Variants in ROS1 observed in about 807,000 individuals in gnomAD.
The protein encoded by ROS1 is ROS proto-oncogene 1, receptor tyrosine kinase, also known as proto-oncogene tyrosine-protein kinase ROS.
In ROS1, 263 loss-of-function variants were observed where a neutral mutation model predicts 273.5. The ratio of observed to expected loss-of-function variants is 0.96; its 90% CI spans 0.87 to 1.06. The LOEUF is 1.06. Among genes scored for constraint, ROS1 ranks in the 50% least tolerant of loss-of-function variants. The pLI is 0.00. For synonymous variants in ROS1, 1,008 were observed against 954.1 expected (o/e 1.06, Z -1.04); for missense variants, 2,833 against 2,751.1 (o/e 1.03, Z -0.67).
chr6:117,387,523 T>A (rs1772681776), intron 14 of ROS1, among the ~76,000 whole-genome samples: 1 of 152,340 alleles, frequency 6.6e-6, no homozygotes, highest in East Asian at 1.9e-4. Context: ...TCAATTATAG[T>A]GTTTCCTTAA....
Position 117,414,523 on chromosome 6 carries a change from C to T in ROS1, c.251G>A (p.Cys84Tyr). 1.4e-6 allele frequency: 1 copy of T among 733,428 alleles called. No homozygotes were observed. The highest frequency in any genetic ancestry group is 2.5e-5 in the East Asian group (1 of 39,426). The allele number at this position is 733,428 out of a possible 1,614,324, so 45.4% of individuals were successfully genotyped here. The stretch of plus-strand genomic sequence containing the variant: ...TTTTTGTGATTGCCAACTCACCTCA[C>T]AAACGGTGGCATAAGTATCATTCTG... ...LKCNDTYATV[C>Y]ERESCEVGCS... The change falls in exon 4 of 44, where the codon TGT becomes TAT. Residue 84 changes from cysteine (C) to tyrosine (Y), a missense_variant. Coordinates refer to ENST00000368507, the MANE Select transcript of ROS1 (RefSeq NM_001378902.1).
At chr6:117,374,464 C>A (rs965308902) in intron 18 of ROS1, among the ~76,000 whole-genome samples, 1 of 152,152 alleles carries the variant, frequency 6.6e-6, no homozygotes, top group Non-Finnish European at 1.5e-5. Flanking sequence ...TTGCCTTATA[C>A]AAAAATCAAC....
chr6:117,288,380 G>T lies in ROS1; in HGVS notation c.*112C>A, dbSNP rs1484210590. The T allele has an allele frequency of 2.0e-6, 2 of 1,014,738 alleles. No homozygotes were observed. The highest frequency in any genetic ancestry group is 2.9e-6 in the Non-Finnish European group (2 of 692,348). The allele number at this position is 1,014,738 out of a possible 1,614,324, so 62.9% of individuals were successfully genotyped here. On this transcript the variant is annotated 3_prime_UTR_variant, in exon 44 of 44. Transcript: ENST00000368507. The stretch of plus-strand genomic sequence containing the variant: ...GATTAGAAATCAGGAACGTTGCATT[G>T]TTTATTTGGAGTTATAGACCACCAT...
chr6:117,403,068 T>C, intron 7 of ROS1, 71 bp downstream of exon 7: 7 of 1,543,720 alleles, frequency 4.5e-6, no homozygotes, highest in Non-Finnish European at 6.3e-6. Context: ...ATTTCATTGT[T>C]TAAAATAAAA....
chr6:117,403,155 C>CCTGTAACTGGGACTTGGAGGGGAGTAGAG lies in ROS1; in HGVS notation c.559_587dup (p.Arg196SerfsTer23). On this transcript the variant is annotated frameshift_variant, in exon 7 of 44. Transcript: ENST00000368507. LOFTEE classifies it high-confidence loss of function. ...ACACCATACCTCCATGAGGATGAGT[C>CCTGTAACTGGGACTTGGAGGGGAGTAGAG]CTGTAACTGGGACTTGGAGGGGAGT... The CCTGTAACTGGGACTTGGAGGGGAGTAGAG allele has an allele frequency of 3.7e-6, 6 of 1,613,836 alleles. No individual in the cohort carries two copies. The highest frequency in any genetic ancestry group is 5.1e-6 in the Non-Finnish European group (6 of 1,179,938).
At chr6:117,381,002 A>C (rs1286083476) in intron 17 of ROS1, among the ~76,000 whole-genome samples, 1 of 152,078 alleles carries the variant, frequency 6.6e-6, no homozygotes, top group Non-Finnish European at 1.5e-5. Flanking sequence ...AAATCTGTAC[A>C]TGACATCAAT....
At chr6:117,290,899 A>G (rs1431960310) in intron 43 of ROS1, among the ~76,000 whole-genome samples, 1 of 152,210 alleles carries the variant, frequency 6.6e-6, no homozygotes, top group Non-Finnish European at 1.5e-5. Context: ...ACAACAATGA[A>G]GACAGTCATT....
At position 117,394,699 on chromosome 6, in the gene ROS1, GT is replaced by G; in HGVS notation, c.922del (p.Thr308LeufsTer3). The G allele has an allele frequency of 1.9e-6, 3 of 1,611,724 alleles. No individual in the cohort carries two copies. The highest frequency in any genetic ancestry group is 2.5e-6 in the Non-Finnish European group (3 of 1,178,882). On this transcript the variant is annotated frameshift_variant, in exon 10 of 44. Coordinates refer to ENST00000368507, the MANE Select transcript of ROS1 (RefSeq NM_001378902.1). LOFTEE classifies it high-confidence loss of function. Reference sequence around the variant, plus strand: ...TTTTAAAGATCTCTTTCTTAGAGAAGTTTTTCTGGATAAAAAGAGCCACTGT... The same window carrying G: ...TTTTAAAGATCTCTTTCTTAGAGAAGTTTTCTGGATAAAAAGAGCCACTGT... ...EEQWLFLSRK[T>X]SLRKRSLKHL...
In ROS1 at chr6:117,341,312, C is replaced by T; in HGVS notation, c.4885-1G>A. ...TTTCCTCAGAGTGGCAGGCAAGAACCTTTTGGTAAAAAAGAACAATTGCTT... is the reference window on the plus strand; with the variant it reads ...TTTCCTCAGAGTGGCAGGCAAGAACTTTTTGGTAAAAAAGAACAATTGCTT... On this transcript the variant is annotated splice_acceptor_variant, in intron 30 of 43. Coordinates refer to ENST00000368507, the MANE Select transcript of ROS1 (RefSeq NM_001378902.1). LOFTEE classifies it high-confidence loss of function. The T allele has an allele frequency of 6.2e-7, 1 of 1,612,394 alleles. No individual in the cohort carries two copies. Among genetic ancestry groups the T allele is most frequent in the Non-Finnish European group, 8.5e-7 (1 of 1,179,334 alleles).
chr6:117,296,053 G>C (rs998264146), intron 43 of ROS1, among the ~76,000 whole-genome samples: 6 of 152,160 alleles, frequency 3.9e-5, no homozygotes, highest in Non-Finnish European at 8.8e-5. Context: ...GTTTATTGCA[G>C]TACTGTTTAC....
intron 32 of ROS1, 132 bp from the exon 33 acceptor site, chr6:117,329,578 C>A (rs2128594110): frequency 1.8e-6 from 1 of 563,526 alleles, no homozygotes; most frequent in Non-Finnish European, 3.1e-6. Flanking sequence ...CCAAGATGGC[C>A]GACTAGAAGC....
At chr6:117,385,577 A>G in intron 16 of ROS1, 106 bp downstream of exon 16, 1 of 923,974 alleles carries the variant, frequency 1.1e-6, no homozygotes, top group Non-Finnish European at 1.6e-6. Flanking sequence ...AAATAATAGC[A>G]TAAGTGGTGC....
rs1433251332 is a variant in ROS1 at position 117,425,766 on chromosome 6, CTTTG to C, written c.-114_-111del. The stretch of plus-strand genomic sequence containing the variant: ...TTGGAGGAGTAGCTGATGGATTTTG[CTTTG>C]TTTGTTTTGCTATATTAGGATATAC... On this transcript the variant is annotated 5_prime_UTR_variant, in exon 1 of 44. It introduces an in-frame stop codon into an upstream open reading frame of the 5' UTR. Transcript: ENST00000368507. The C allele has an allele frequency of 3.2e-6, 4 of 1,265,508 alleles. No individual in the cohort carries two copies. The highest frequency in any genetic ancestry group is 4.5e-6 in the Non-Finnish European group (4 of 897,046). 78.4% of individuals were successfully genotyped at this position (1,265,508 alleles called of 1,614,324 possible).
chr6:117,377,944 T>G (rs530275548), intron 18 of ROS1, among the ~76,000 whole-genome samples: 56 of 152,284 alleles, frequency 3.7e-4, no homozygotes, highest in African/African-American at 1.3e-3. Context: ...AAATTGATAG[T>G]CATCAGGGAA....
rs756357483 is a variant in ROS1 at position 117,356,791 on chromosome 6, A to G, written c.3964T>C (p.Cys1322Arg). Reference sequence around the variant, plus strand: ...TCAAATTCAGTCACATTACAAGAACATTGATTCCTTTTGTTTTGTTGGTTT... The same window carrying G: ...TCAAATTCAGTCACATTACAAGAACGTTGATTCCTTTTGTTTTGTTGGTTT... ...ATNQQNKRNQ[C>R]SCNVTEFELS... The change falls in exon 26 of 44, where the codon TGT becomes CGT. Residue 1322 changes from cysteine (C) to arginine (R), a missense_variant. Physicochemically the swap from Cys to Arg is radical, Grantham distance 180. Coordinates refer to ENST00000368507, the MANE Select transcript of ROS1 (RefSeq NM_001378902.1). 9 of 1,614,004 alleles carry G rather than the reference A, an allele frequency of 5.6e-6. No individual in the cohort carries two copies. In the Admixed American group the frequency reaches 1.2e-4, roughly 21 times the overall value.
chr6:117,352,878 G>A, intron 27 of ROS1, 112 bp downstream of exon 27: 1 of 918,100 alleles, frequency 1.1e-6, no homozygotes, highest in Non-Finnish European at 1.7e-6. Flanking sequence ...TTGGAGCAAG[G>A]ATGAGAGCAC....
chr6:117,379,274 A>T (rs1771918670), intron 17 of ROS1, 115 bp from the exon 18 acceptor site: 2 of 626,532 alleles, frequency 3.2e-6, no homozygotes, highest in South Asian at 4.1e-5. Flanking sequence ...GGAATAATAA[A>T]TTCAGTAATT....
At chr6:117,329,651 A>C (rs1776913425) in intron 32 of ROS1, among the ~76,000 whole-genome samples, 1 of 152,142 alleles carries the variant, frequency 6.6e-6, no homozygotes, top group South Asian at 2.1e-4. Flanking sequence ...TTCACCGGCA[A>C]GGTATCTAGA....
chr6:117,396,018 T>C (rs1389676978), intron 9 of ROS1, among the ~76,000 whole-genome samples, 170 bp downstream of exon 9: 1 of 152,178 alleles, frequency 6.6e-6, no homozygotes, highest in Non-Finnish European at 1.5e-5. Context: ...ATTCATCAAA[T>C]ACTTAGGTTC....
Sources: gnomAD v4.1 joint callset for allele counts (sites outside exome capture counted in the v4.1 genomes callset) on GRCh38, gnomAD v4.1.1 for gene constraint, MANE v1.5 for transcripts, NCBI Gene and HGNC (gene_info 2026-07-23, HGNC 2026-07-21) for gene names.